The following ATP2B2 variants were observed in gnomAD, a reference collection of about 807,000 sequenced individuals.
The protein encoded by ATP2B2 is ATPase plasma membrane Ca2+ transporting 2, also known as plasma membrane calcium-transporting ATPase 2.
ATP2B2 carries 15 observed loss-of-function variants against 120.0 expected under a neutral mutation model. That is an observed-to-expected ratio of 0.12 (90% CI 0.08 to 0.19). ATP2B2 has a LOEUF of 0.19. ATP2B2 is among the 10% of genes least tolerant of loss of function. The pLI, the probability that ATP2B2 is intolerant of heterozygous loss-of-function variation, is 1.00. For missense variants in ATP2B2, 1,045 were observed against 1,719.8 expected (o/e 0.61, Z 6.94); for synonymous variants, 694 against 700.3 (o/e 0.99, Z 0.14).
At chr3:10,630,842 C>CGG (rs1392134170) in intron 1 of ATP2B2, among the ~76,000 whole-genome samples, 2 of 13,296 alleles carry the variant, frequency 1.5e-4, no homozygotes, top group Non-Finnish European at 3.0e-4. Context: ...AAGTTTGTGG[C>CGG]GGGGGGGTGG....
At chr3:10,548,399 T>C (rs945513226) in intron 2 of ATP2B2, among the ~76,000 whole-genome samples, 1 of 152,206 alleles carries the variant, frequency 6.6e-6, no homozygotes, top group South Asian at 2.1e-4. Flanking sequence ...GGTGAGCACA[T>C]GCAACTCACC....
chr3:10,405,846 C>T (rs1370710), intron 3 of ATP2B2, among the ~76,000 whole-genome samples: 22,780 of 152,182 alleles, frequency 0.15, 4,524 homozygotes, highest in African/African-American at 0.46. Flanking sequence ...ATTTTCTAAA[C>T]ACCTACTATG....
chr3:10,401,253 C>T (rs1198455032), intron 4 of ATP2B2, among the ~76,000 whole-genome samples, 175 bp from the exon 5 acceptor site: 5 of 152,180 alleles, frequency 3.3e-5, no homozygotes. Context: ...CAGCTCAACA[C>T]TGGAGCTAAG....
chr3:10,463,845 G>C (rs1049622509), intron 1 of ATP2B2, among the ~76,000 whole-genome samples: 1 of 152,248 alleles, frequency 6.6e-6, no homozygotes, highest in African/African-American at 2.4e-5. Flanking sequence ...CCTGAAACCT[G>C]GAGGTCAGGG....
At chr3:10,695,710 T>C (rs1266918518) in intron 1 of ATP2B2, among the ~76,000 whole-genome samples, 1 of 152,072 alleles carries the variant, frequency 6.6e-6, no homozygotes, top group Non-Finnish European at 1.5e-5. Flanking sequence ...TACAGACAAG[T>C]GAGAGAACCA....
At chr3:10,596,240 T>C (rs923006123) in intron 2 of ATP2B2, among the ~76,000 whole-genome samples, 2 of 152,172 alleles carry the variant, frequency 1.3e-5, no homozygotes, top group African/African-American at 4.8e-5. Context: ...GTGGGAGGGA[T>C]CTGTTCATGG....
chr3:10,410,599 G>C lies in ATP2B2; in HGVS notation c.397+19C>G. ...GGCCAGGTGTGCGGGGCGGTTCGTG[G>C]GTCTGAGGCCCATCTTACCTTCGTT... On this transcript the variant is annotated intron_variant, in intron 3 of 22. Transcript: ENST00000360273. 1 of 1,588,410 alleles carries C rather than the reference G, an allele frequency of 6.3e-7. No homozygotes were observed. Among genetic ancestry groups the C allele is most frequent in the Non-Finnish European group, 8.6e-7 (1 of 1,163,968 alleles).
chr3:10,324,223 T>A lies in ATP2B2; in HGVS notation c.*4591A>T, dbSNP rs923221182. ...TTACGGAAGCTGGAGGCGGCACCAT[T>A]CCCTCGCTACTCTATTATAAAATAT... On this transcript the variant is annotated 3_prime_UTR_variant, in exon 23 of 23. Transcript: ENST00000360273. 1 of 151,764 alleles carries A rather than the reference T, an allele frequency of 6.6e-6. No individual in the cohort carries two copies. Among genetic ancestry groups the A allele is most frequent in the African/African-American group, 2.4e-5 (1 of 41,304 alleles). 9.4% of individuals were successfully genotyped at this position (151,764 alleles called of 1,614,324 possible). A position where few individuals can be genotyped will look rare whatever the true frequency, so the allele number is the denominator to read the frequency against.
chr3:10,583,780 C>T (rs915970303), intron 2 of ATP2B2, among the ~76,000 whole-genome samples: 18 of 152,134 alleles, frequency 1.2e-4, no homozygotes, highest in South Asian at 8.3e-4. Context: ...TTCTGACTGC[C>T]GGTTGCACCC....
intron 2 of ATP2B2, among the ~76,000 whole-genome samples, chr3:10,535,384 GAT>G (rs1491583092): frequency 8.3e-6 from 1 of 120,842 alleles, no homozygotes; most frequent in Non-Finnish European, 1.7e-5. Context: ...GCAGCAGTTT[GAT>G]GTGTGTGTGT....
intron 2 of ATP2B2, among the ~76,000 whole-genome samples, chr3:10,536,755 T>C (rs2067326587): frequency 6.6e-6 from 1 of 152,198 alleles, no homozygotes; most frequent in South Asian, 2.1e-4. Flanking sequence ...CCTGAACTCC[T>C]GGGCTGAAGC....
chr3:10,641,209 C>G (rs556560936), intron 1 of ATP2B2, among the ~76,000 whole-genome samples: 1 of 152,318 alleles, frequency 6.6e-6, no homozygotes, highest in Non-Finnish European at 1.5e-5. Flanking sequence ...ACTATTTGCT[C>G]AGAAGAGCCT....
Position 10,329,257 on chromosome 3 carries a change from A to T in ATP2B2, c.3421-132T>A, listed in dbSNP as rs1433941626. 1.1e-6 allele frequency: 1 copy of T among 888,542 alleles called. No homozygotes were observed. Among genetic ancestry groups the T allele is most frequent in the African/African-American group, 1.6e-5 (1 of 61,300 alleles). The allele number at this position is 888,542 out of a possible 1,614,324, so 55.0% of individuals were successfully genotyped here. ...CTGGAATCCATAGTCGCTGGGTGTT[A>T]TTAGCATTGACAGGATGGGGGAGAG... is the stretch of plus-strand genomic sequence containing the variant. On this transcript the variant is annotated intron_variant, in intron 22 of 22. Coordinates refer to ENST00000360273, the MANE Select transcript of ATP2B2 (RefSeq NM_001001331.4). This position sits in a 1 kb window ranked among gnomAD's most constrained non-coding sequence, Gnocchi z 5.9.
intron 1 of ATP2B2, among the ~76,000 whole-genome samples, chr3:10,480,246 A>G (rs2065357432): frequency 6.6e-6 from 1 of 152,222 alleles, no homozygotes; most frequent in South Asian, 2.1e-4. Context: ...TCTCAGAATC[A>G]GTTTCCTCAT....
chr3:10,486,225 T>G (rs1003525905), intron 1 of ATP2B2, among the ~76,000 whole-genome samples: 1 of 152,210 alleles, frequency 6.6e-6, no homozygotes. Context: ...TTTCTCTGTC[T>G]GTAGAATGGG....
chr3:10,427,801 C>G (rs182728052), intron 2 of ATP2B2, among the ~76,000 whole-genome samples: 5 of 152,238 alleles, frequency 3.3e-5, no homozygotes, highest in Non-Finnish European at 7.3e-5. Flanking sequence ...GAATCTGCCT[C>G]AATCCATCCT....
intron 2 of ATP2B2, among the ~76,000 whole-genome samples, chr3:10,536,289 T>A (rs2067313084): frequency 6.6e-6 from 1 of 152,154 alleles, no homozygotes. Flanking sequence ...TTGCAAATAT[T>A]TTCTTCTAGT....
chr3:10,348,658 CAT>C (rs1202758685), intron 16 of ATP2B2, among the ~76,000 whole-genome samples: 4 of 152,254 alleles, frequency 2.6e-5, no homozygotes, highest in Non-Finnish European at 5.9e-5. Context: ...CCCTGGAGCC[CAT>C]CCCACCTTCC....
intron 2 of ATP2B2, among the ~76,000 whole-genome samples, chr3:10,448,786 T>G (rs2125176309): frequency 6.6e-6 from 1 of 152,304 alleles, no homozygotes; most frequent in Middle Eastern, 3.4e-3. Context: ...CAGACTTGAT[T>G]CCAGCCCAGT....
Sources: allele counts gnomAD v4.1 joint callset (sites outside exome capture counted in the v4.1 genomes callset), GRCh38; gene constraint gnomAD v4.1.1; non-coding constraint Gnocchi (gnomAD v3.1); transcripts MANE v1.5; gene names NCBI Gene and HGNC (gene_info 2026-07-23, HGNC 2026-07-21).